MGMT: variants seen among roughly 807,000 people sequenced by gnomAD.
MGMT encodes methylated-DNA--protein-cysteine methyltransferase.
MGMT carries 14 observed loss-of-function variants against 15.9 expected under a neutral mutation model. The observed-to-expected ratio is 0.88, with a 90% confidence interval of 0.58 to 1.37. MGMT has a LOEUF of 1.37. MGMT is among the 40% of genes most tolerant of loss of function. The probability of loss-of-function intolerance (pLI) is 0.00; values close to 1 mark genes in which losing one functional copy is unlikely to be tolerated. For synonymous variants in MGMT, 130 were observed against 118.2 expected (o/e 1.10, Z -0.65); for missense variants, 282 against 268.1 (o/e 1.05, Z -0.36).
At chr10:129,725,060 T>C (rs1172785137) in intron 3 of MGMT, among the ~76,000 whole-genome samples, 3 of 152,238 alleles carry the variant, frequency 2.0e-5, no homozygotes, top group Admixed American at 6.5e-5. Flanking sequence ...ACTGACCTGA[T>C]GGACAGGAAG....
intron 2 of MGMT, among the ~76,000 whole-genome samples, chr10:129,696,287 A>G (rs554089785): frequency 3.6e-4 from 55 of 151,030 alleles, no homozygotes; most frequent in African/African-American, 1.1e-3. Flanking sequence ...CATTTTTCTC[A>G]TTTCATCTCA....
intron 2 of MGMT, among the ~76,000 whole-genome samples, chr10:129,551,262 A>G (rs1470087867): frequency 6.6e-6 from 1 of 152,248 alleles, no homozygotes; most frequent in Non-Finnish European, 1.5e-5. Flanking sequence ...TACATTAATG[A>G]GCATTTAAAT....
intron 1 of MGMT, among the ~76,000 whole-genome samples, chr10:129,509,084 G>T (rs553561611): frequency 6.6e-6 from 1 of 152,074 alleles, no homozygotes; most frequent in Admixed American, 6.5e-5. Flanking sequence ...CGTCATTTCC[G>T]GGTGAAGCCA....
chr10:129,765,456 A>C (rs1326511870), intron 4 of MGMT, among the ~76,000 whole-genome samples: 2 of 152,176 alleles, frequency 1.3e-5, no homozygotes, highest in Non-Finnish European at 2.9e-5. Flanking sequence ...AACCAGAGAG[A>C]TGCCCATATG....
chr10:129,690,758 G>C (rs748588152), intron 2 of MGMT, among the ~76,000 whole-genome samples: 1 of 152,214 alleles, frequency 6.6e-6, no homozygotes. Flanking sequence ...AGAAGGTCAG[G>C]GGGAGGCAAG....
At chr10:129,723,988 C>T (rs1848404667) in intron 3 of MGMT, among the ~76,000 whole-genome samples, 3 of 152,202 alleles carry the variant, frequency 2.0e-5, no homozygotes, top group African/African-American at 7.2e-5. Flanking sequence ...TAAGTGTTCT[C>T]CTACCCCGCT....
At chr10:129,482,016 T>G (rs1229292776) in intron 1 of MGMT, among the ~76,000 whole-genome samples, 1 of 152,208 alleles carries the variant, frequency 6.6e-6, no homozygotes, top group Non-Finnish European at 1.5e-5. Flanking sequence ...TTTTCCTTTC[T>G]TCTTTTCTCA....
chr10:129,645,801 G>T (rs926491560), intron 2 of MGMT, among the ~76,000 whole-genome samples: 1 of 152,170 alleles, frequency 6.6e-6, no homozygotes, highest in South Asian at 2.1e-4. Flanking sequence ...ACTTTATGGC[G>T]TGATGTCTAA....
Position 129,659,871 on chromosome 10 carries a change from C to T in MGMT, c.126-48024C>T, listed in dbSNP as rs144878930. Among the ~76,000 whole-genome samples the T allele has an allele frequency of 3.3e-5, 5 of 152,270 alleles. No individual in the cohort carries two copies. The highest frequency in any genetic ancestry group is 2.1e-4 in the South Asian group (1 of 4,824). On this transcript the variant is annotated intron_variant, in intron 2 of 4. Coordinates refer to ENST00000651593, the MANE Select transcript of MGMT (RefSeq NM_002412.5). This position sits in a 1 kb window ranked among gnomAD's most constrained non-coding sequence, Gnocchi z 4.1. ...CCAGCACCTGATGTTTGGGCACGGG[C>T]GACAGGACGTAGGGTGGTCATCCGA...
intron 1 of MGMT, among the ~76,000 whole-genome samples, chr10:129,494,256 A>C (rs889812024): frequency 6.6e-5 from 10 of 152,102 alleles, no homozygotes; most frequent in African/African-American, 2.4e-4. Flanking sequence ...TGATATGGTC[A>C]TTTTTTTCAT....
chr10:129,740,531 T>C (rs1033039859), intron 3 of MGMT, among the ~76,000 whole-genome samples: 2 of 152,194 alleles, frequency 1.3e-5, no homozygotes, highest in Non-Finnish European at 2.9e-5. Context: ...CAAAGCACCT[T>C]TCACACAGGT....
At chr10:129,514,940 C>T (rs1275348559) in intron 1 of MGMT, among the ~76,000 whole-genome samples, 1 of 152,210 alleles carries the variant, frequency 6.6e-6, no homozygotes, top group African/African-American at 2.4e-5. Context: ...TTGCTGTCAG[C>T]ATCAGGACTG....
chr10:129,695,515 C>T (rs1174661696), intron 2 of MGMT, among the ~76,000 whole-genome samples: 1 of 152,156 alleles, frequency 6.6e-6, no homozygotes, highest in Non-Finnish European at 1.5e-5. Context: ...GTATTGTCTT[C>T]AGAACATTTA....
At chr10:129,588,730 C>T (rs1846646463) in intron 2 of MGMT, among the ~76,000 whole-genome samples, 1 of 152,238 alleles carries the variant, frequency 6.6e-6, no homozygotes, top group African/African-American at 2.4e-5. Context: ...GTGTGTGTGC[C>T]AGCACACTGA....
chr10:129,621,222 C>T (rs1391155216), intron 2 of MGMT, among the ~76,000 whole-genome samples: 4 of 152,226 alleles, frequency 2.6e-5, no homozygotes, highest in Non-Finnish European at 4.4e-5. Context: ...TTCTCATGAT[C>T]TACATTGAAA....
intron 3 of MGMT, among the ~76,000 whole-genome samples, chr10:129,714,426 C>G (rs1848269809): frequency 6.6e-6 from 1 of 152,196 alleles, no homozygotes; most frequent in Admixed American, 6.5e-5. Flanking sequence ...TTTAAAGTTT[C>G]AACAATGATT....
intron 2 of MGMT, among the ~76,000 whole-genome samples, chr10:129,637,194 C>T (rs1847273125): frequency 6.6e-6 from 1 of 152,176 alleles, no homozygotes. Flanking sequence ...TTTTGTCATT[C>T]CCAGGGAGAA....
chr10:129,554,408 G>C (rs1415887121), intron 2 of MGMT, among the ~76,000 whole-genome samples: 1 of 151,730 alleles, frequency 6.6e-6, no homozygotes, highest in East Asian at 1.9e-4. Flanking sequence ...CATTTTTCTT[G>C]TTCTGACATC....
intron 3 of MGMT, among the ~76,000 whole-genome samples, chr10:129,756,832 G>A (rs1408071512): frequency 1.3e-5 from 2 of 152,206 alleles, no homozygotes; most frequent in Non-Finnish European, 2.9e-5. Context: ...CAGCTGCTGA[G>A]GACTGATGTG....
Sources: gnomAD v4.1 joint callset for allele counts (sites outside exome capture counted in the v4.1 genomes callset) on GRCh38, gnomAD v4.1.1 for gene constraint, Gnocchi (gnomAD v3.1) non-coding constraint, MANE v1.5 for transcripts, NCBI Gene and HGNC (gene_info 2026-07-23, HGNC 2026-07-21) for gene names.